GABBR2: variants seen among roughly 807,000 people sequenced by gnomAD.
GABBR2 encodes G-protein coupled receptor 51.
In GABBR2, 23 loss-of-function variants were observed where a neutral mutation model predicts 105.6. That is an observed-to-expected ratio of 0.22 (90% CI 0.16 to 0.31). The LOEUF (loss-of-function observed/expected upper bound fraction) is 0.31. Among genes scored for constraint, GABBR2 ranks in the 10% least tolerant of loss-of-function variants. The pLI, the probability that GABBR2 is intolerant of heterozygous loss-of-function variation, is 1.00. For synonymous variants in GABBR2, 478 were observed against 499.7 expected, an observed-to-expected ratio of 0.96 and a Z score of 0.58; for missense variants, 734 against 1,245.5, an observed-to-expected ratio of 0.59 and a Z score of 6.18.
intron 1 of GABBR2, among the ~76,000 whole-genome samples, chr9:98,639,196 C>G (rs941035785): frequency 6.6e-6 from 1 of 152,148 alleles, no homozygotes; most frequent in Non-Finnish European, 1.5e-5. Context: ...TGGGTCACTC[C>G]ATCCAGAGCA....
intron 5 of GABBR2, among the ~76,000 whole-genome samples, chr9:98,474,419 C>G (rs1031697594): frequency 1.3e-5 from 2 of 152,072 alleles, no homozygotes; most frequent in African/African-American, 4.8e-5. Context: ...CTGTCAGGTT[C>G]CATCAAAATT....
At chr9:98,378,351 C>A (rs1831914296) in intron 11 of GABBR2, among the ~76,000 whole-genome samples, 1 of 152,120 alleles carries the variant, frequency 6.6e-6, no homozygotes, top group African/African-American at 2.4e-5. Flanking sequence ...GGGACTCGAA[C>A]CCCACCCTGC....
intron 1 of GABBR2, among the ~76,000 whole-genome samples, chr9:98,656,884 T>TAAC (rs1166890392): frequency 1.3e-5 from 2 of 152,122 alleles, no homozygotes; most frequent in African/African-American, 2.4e-5. Flanking sequence ...GGAGGTTTAT[T>TAAC]AACAGGCAGC....
chr9:98,548,500 T>A (rs1226967657), intron 2 of GABBR2, among the ~76,000 whole-genome samples: 2 of 116,434 alleles, frequency 1.7e-5, no homozygotes, highest in African/African-American at 5.5e-5. Context: ...CTTCCCAGAA[T>A]GCAATTCACA....
At chr9:98,339,451 A>T (rs1831171879) in intron 13 of GABBR2, among the ~76,000 whole-genome samples, 1 of 152,188 alleles carries the variant, frequency 6.6e-6, no homozygotes, top group South Asian at 2.1e-4. Flanking sequence ...AAGGCTCTTT[A>T]TTCACCAAAC....
chr9:98,551,599 C>A (rs1319197538), intron 2 of GABBR2, among the ~76,000 whole-genome samples: 1 of 152,188 alleles, frequency 6.6e-6, no homozygotes, highest in Non-Finnish European at 1.5e-5. Context: ...ATTTAACCAG[C>A]AGCATGGGGT....
At position 98,464,166 on chromosome 9, in the gene GABBR2, C is replaced by T. The variant is rs370191692; in HGVS notation, c.999+8980G>A. ...GAGGTGAGGAGCGCCTCTGCCCGGC[C>T]GCCATCCCGTCTAGGAATTGAGGAG... On this transcript the variant is annotated intron_variant, in intron 6 of 18. Coordinates refer to ENST00000259455, the MANE Select transcript of GABBR2 (RefSeq NM_005458.8). 3.7e-3 allele frequency among the ~76,000 whole-genome samples: 554 copies of T among 148,930 alleles called. 2 individuals are homozygous for T. The highest frequency in any genetic ancestry group is 0.012 in the African/African-American group (496 of 40,354).
intron 1 of GABBR2, among the ~76,000 whole-genome samples, chr9:98,648,776 G>T (rs1588268465): frequency 6.6e-6 from 1 of 152,160 alleles, no homozygotes; most frequent in Non-Finnish European, 1.5e-5. Flanking sequence ...TGGAAATCTG[G>T]ATGTTTAGCA....
intron 7 of GABBR2, among the ~76,000 whole-genome samples, chr9:98,410,428 G>A (rs969178105): frequency 2.6e-5 from 4 of 151,570 alleles, no homozygotes; most frequent in Admixed American, 6.6e-5. Context: ...TCCCAGAATC[G>A]CCTGCCAGCT....
chr9:98,526,098 A>G (rs1333618680), intron 3 of GABBR2, among the ~76,000 whole-genome samples: 1 of 152,202 alleles, frequency 6.6e-6, no homozygotes, highest in Non-Finnish European at 1.5e-5. Flanking sequence ...TATTGTGTAT[A>G]TACTGAAAAC....
intron 13 of GABBR2, among the ~76,000 whole-genome samples, chr9:98,340,394 G>T (rs1195469434): frequency 6.6e-6 from 1 of 151,690 alleles, no homozygotes; most frequent in Non-Finnish European, 1.5e-5. Context: ...TGTTGCTGTT[G>T]TTTACAATCT....
chr9:98,417,905 A>G (rs1249314172), intron 7 of GABBR2, among the ~76,000 whole-genome samples: 1 of 152,142 alleles, frequency 6.6e-6, no homozygotes. Context: ...TTCTAGGCAG[A>G]GGGAACAGTG....
chr9:98,693,490 G>A (rs1830711159), intron 1 of GABBR2, among the ~76,000 whole-genome samples: 1 of 152,176 alleles, frequency 6.6e-6, no homozygotes, highest in Admixed American at 6.5e-5. Flanking sequence ...TGCCTTTCCT[G>A]CCAGCAGGCC....
intron 2 of GABBR2, among the ~76,000 whole-genome samples, chr9:98,556,612 C>T (rs575643956): frequency 4.6e-5 from 7 of 152,230 alleles, no homozygotes; most frequent in Admixed American, 4.6e-4. Flanking sequence ...AAGTGAGTGC[C>T]GCTGTGTGCC....
intron 3 of GABBR2, among the ~76,000 whole-genome samples, chr9:98,525,177 T>G (rs1360219346): frequency 6.6e-6 from 1 of 151,608 alleles, no homozygotes; most frequent in African/African-American, 2.4e-5. Context: ...TTACTAAAAT[T>G]AAAAACTTTT....
chr9:98,337,708 G>A (rs144086996), intron 13 of GABBR2, among the ~76,000 whole-genome samples: 324 of 152,260 alleles, frequency 2.1e-3, no homozygotes, highest in Non-Finnish European at 3.9e-3. Flanking sequence ...TTTCAACATG[G>A]GTTACAAGAC....
In GABBR2 at chr9:98,689,582, C is replaced by T. The variant is rs184262490; in HGVS notation, c.321+18835G>A. On this transcript the variant is annotated intron_variant, in intron 1 of 18. Coordinates refer to ENST00000259455, the MANE Select transcript of GABBR2 (RefSeq NM_005458.8). ...TTCCAGGTTTCTGAAGGATCTTGTACAGCTCCAAACAAGAGGAGCTGGACT... is the reference window on the plus strand; with the variant it reads ...TTCCAGGTTTCTGAAGGATCTTGTATAGCTCCAAACAAGAGGAGCTGGACT... 1.8e-4 allele frequency among the ~76,000 whole-genome samples: 28 copies of T among 152,278 alleles called. No individual in the cohort carries two copies. In the East Asian group the frequency reaches 5.2e-3, roughly 28 times the overall value.
At chr9:98,650,836 T>G (rs558811480) in intron 1 of GABBR2, among the ~76,000 whole-genome samples, 124 of 152,354 alleles carry the variant, frequency 8.1e-4, no homozygotes, top group African/African-American at 2.8e-3. Context: ...TCAACTATAT[T>G]ATTCCACTTA....
intron 3 of GABBR2, among the ~76,000 whole-genome samples, chr9:98,532,795 G>C (rs1229347844): frequency 6.6e-6 from 1 of 152,174 alleles, no homozygotes; most frequent in Non-Finnish European, 1.5e-5. Flanking sequence ...GTAGAAGTCA[G>C]TATTGCCCAA....
Sources: allele counts gnomAD v4.1 joint callset (sites outside exome capture counted in the v4.1 genomes callset), GRCh38; gene constraint gnomAD v4.1.1; transcripts MANE v1.5; gene names NCBI Gene and HGNC (gene_info 2026-07-23, HGNC 2026-07-21).